DCUN1D4: variants seen among roughly 807,000 people sequenced by gnomAD.
DCUN1D4 encodes the protein defective in cullin neddylation 1 domain containing 4.
DCUN1D4 carries 22 observed loss-of-function variants against 47.9 expected under a neutral mutation model. The observed-to-expected ratio is 0.46, with a 90% CI of 0.33 to 0.66. DCUN1D4 has a LOEUF of 0.66. Among genes scored for constraint, DCUN1D4 ranks in the 30% least tolerant of loss-of-function variants. The pLI, the probability that DCUN1D4 is intolerant of heterozygous loss-of-function variation, is 0.02. For synonymous variants in DCUN1D4, 121 were observed against 112.2 expected, an observed-to-expected ratio of 1.08 and a Z score of -0.50; for missense variants, 301 against 340.8, an observed-to-expected ratio of 0.88 and a Z score of 0.92.
chr4:51,847,154 A>G (rs1722680453), intron 1 of DCUN1D4, among the ~76,000 whole-genome samples: 1 of 152,176 alleles, frequency 6.6e-6, no homozygotes, highest in Non-Finnish European at 1.5e-5. Context: ...CTGGGTTGGC[A>G]ACTTGCAGGT....
intron 6 of DCUN1D4, among the ~76,000 whole-genome samples, chr4:51,889,705 T>G (rs969357959): frequency 2.0e-5 from 3 of 152,210 alleles, no homozygotes; most frequent in Non-Finnish European, 2.9e-5. Flanking sequence ...GTGAGTTGGT[T>G]AGTTGTCCTA....
chr4:51,886,559 A>G lies in DCUN1D4; in HGVS notation c.344-9A>G. ...TCAGATTTAATTTACATAAGACTGT[A>G]TTTCACAGGAACTGATGATGTTGTA... is the stretch of plus-strand genomic sequence containing the variant. On this transcript the variant is annotated splice_polypyrimidine_tract_variant and intron_variant, in intron 5 of 10. Coordinates refer to ENST00000334635, the MANE Select transcript of DCUN1D4 (RefSeq NM_001040402.3). 6.2e-7 allele frequency: 1 copy of G among 1,613,294 alleles called. No individual in the cohort carries two copies. Among genetic ancestry groups the G allele is most frequent in the South Asian group, 1.1e-5 (1 of 90,992 alleles).
At chr4:51,835,407 G>T in the DCUN1D4 span, among the ~76,000 whole-genome samples, 1 of 152,212 alleles carries the variant, frequency 6.6e-6, no homozygotes, top group African/African-American at 2.4e-5. Flanking sequence ...AAAGTCAGTG[G>T]TACTTAAAAT....
intron 1 of DCUN1D4, among the ~76,000 whole-genome samples, chr4:51,849,492 A>G (rs1188235462): frequency 1.3e-5 from 2 of 152,156 alleles, no homozygotes; most frequent in Non-Finnish European, 2.9e-5. Flanking sequence ...CAGACTTGTC[A>G]CTGTCGCTGG....
At chr4:51,892,930 T>C (rs1730662177) in intron 7 of DCUN1D4, among the ~76,000 whole-genome samples, 2 of 152,262 alleles carry the variant, frequency 1.3e-5, no homozygotes, top group African/African-American at 4.8e-5. Flanking sequence ...TAAATAATTT[T>C]GGAATTTGTC....
chr4:51,915,468 A>G lies in DCUN1D4; in HGVS notation c.*1884A>G, dbSNP rs974016405. 2.0e-5 allele frequency: 3 copies of G among 152,520 alleles called. No homozygotes were observed. The highest frequency in any genetic ancestry group is 4.8e-5 in the African/African-American group (2 of 41,462). The allele number at this position is 152,520 out of a possible 1,614,324, so 9.4% of individuals were successfully genotyped here. ...GAACAGGAAATGTTAATGGCAAGCAACAGCTATTAATACTGATGTGATGGA... is the reference window on the plus strand; with the variant it reads ...GAACAGGAAATGTTAATGGCAAGCAGCAGCTATTAATACTGATGTGATGGA... On this transcript the variant is annotated 3_prime_UTR_variant, in exon 11 of 11. Coordinates refer to ENST00000334635, the MANE Select transcript of DCUN1D4 (RefSeq NM_001040402.3).
chr4:51,895,202 A>T (rs1211393430), intron 7 of DCUN1D4, among the ~76,000 whole-genome samples: 1 of 131,690 alleles, frequency 7.6e-6, no homozygotes, highest in Non-Finnish European at 1.7e-5. Flanking sequence ...AAATGCTGTT[A>T]AAAAAAAAAA....
intron 7 of DCUN1D4, among the ~76,000 whole-genome samples, chr4:51,894,006 G>A (rs145001519): frequency 2.6e-5 from 4 of 152,272 alleles, no homozygotes; most frequent in Non-Finnish European, 4.4e-5. Context: ...TCCTGGAAGA[G>A]GTCTGCGTCT....
At chr4:51,876,164 T>C (rs1293137375) in intron 4 of DCUN1D4, among the ~76,000 whole-genome samples, 2 of 151,930 alleles carry the variant, frequency 1.3e-5, no homozygotes, top group African/African-American at 4.8e-5. Flanking sequence ...AAAAGAATTA[T>C]ACCAAATGTC....
Position 51,843,167 on chromosome 4 carries a change from GT to G in DCUN1D4, c.-75del. The G allele has an allele frequency of 6.5e-7, 1 of 1,529,028 alleles. No homozygotes were observed. Among genetic ancestry groups the G allele is most frequent in the Non-Finnish European group, 8.8e-7 (1 of 1,138,630 alleles). 94.7% of individuals were successfully genotyped at this position (1,529,028 alleles called of 1,614,324 possible). ...GGCGGGTCCTCAGCTTCGAGCCGAG[GT>G]GCAGTGAGCTGGTGGGGGGACCGCG... On this transcript the variant is annotated 5_prime_UTR_variant, in exon 1 of 11. Coordinates refer to ENST00000334635, the MANE Select transcript of DCUN1D4 (RefSeq NM_001040402.3).
At chr4:51,844,884 G>C (rs773162887) in intron 1 of DCUN1D4, 14 of 985,392 alleles carry the variant, frequency 1.4e-5, no homozygotes, top group South Asian at 4.7e-5. Context: ...CTTCCTGCTC[G>C]GCCAACTCGT....
In DCUN1D4 at chr4:51,913,677, T is replaced by C. The variant is rs1734031199; in HGVS notation, c.*93T>C. 1 of 1,127,218 alleles carries C rather than the reference T, an allele frequency of 8.9e-7. No homozygotes were observed. Among genetic ancestry groups the C allele is most frequent in the South Asian group, 1.4e-5 (1 of 73,926 alleles). The allele number at this position is 1,127,218 out of a possible 1,614,324, so 69.8% of individuals were successfully genotyped here. ...TGTTTGTATCAAAGCGCATGCTGCT[T>C]CTCTTGCACTGTTTCCCTTTCGCAG... is the stretch of plus-strand genomic sequence containing the variant. On this transcript the variant is annotated 3_prime_UTR_variant, in exon 11 of 11. Coordinates refer to ENST00000334635, the MANE Select transcript of DCUN1D4 (RefSeq NM_001040402.3).
intron 7 of DCUN1D4, among the ~76,000 whole-genome samples, chr4:51,894,819 A>G (rs1006061699): frequency 5.3e-5 from 8 of 152,312 alleles, no homozygotes; most frequent in African/African-American, 1.9e-4. Context: ...TTATGTATTC[A>G]TATATGTCTT....
At chr4:51,898,609 T>C (rs1731630625) in intron 7 of DCUN1D4, among the ~76,000 whole-genome samples, 1 of 152,180 alleles carries the variant, frequency 6.6e-6, no homozygotes, top group Admixed American at 6.5e-5. Flanking sequence ...AATCCACCAA[T>C]AATGGAACAG....
intron 5 of DCUN1D4, 165 bp downstream of exon 5, chr4:51,878,019 A>G (rs1472654939): frequency 5.0e-6 from 2 of 399,042 alleles, no homozygotes; most frequent in East Asian, 7.5e-5. Flanking sequence ...ATCACCAGAT[A>G]GCCTATTTTA....
intron 7 of DCUN1D4, among the ~76,000 whole-genome samples, chr4:51,897,764 A>T (rs1560508879): frequency 6.6e-6 from 1 of 152,172 alleles, no homozygotes; most frequent in South Asian, 2.1e-4. Flanking sequence ...CTTGTGGGGG[A>T]CATGTCAGAA....
chr4:51,881,365 C>T (rs1356519193), intron 5 of DCUN1D4, among the ~76,000 whole-genome samples: 3 of 152,128 alleles, frequency 2.0e-5, no homozygotes, highest in Non-Finnish European at 4.4e-5. Context: ...AAAATAAAGT[C>T]AGTCATGGAC....
intron 1 of DCUN1D4, among the ~76,000 whole-genome samples, chr4:51,852,807 A>G (rs575421553): frequency 7.2e-5 from 11 of 152,348 alleles, no homozygotes; most frequent in Admixed American, 2.0e-4. Flanking sequence ...ACACGGGCAC[A>G]GTGAAGTTTG....
intron 8 of DCUN1D4, among the ~76,000 whole-genome samples, chr4:51,903,028 G>T (rs1166023131): frequency 6.6e-6 from 1 of 151,836 alleles, no homozygotes; most frequent in African/African-American, 2.4e-5. Context: ...TTTTATTTAG[G>T]CTATAAATGT....
Sources: gnomAD v4.1 joint callset for allele counts (sites outside exome capture counted in the v4.1 genomes callset) on GRCh38, gnomAD v4.1.1 for gene constraint, MANE v1.5 for transcripts, NCBI Gene and HGNC (gene_info 2026-07-23, HGNC 2026-07-21) for gene names.